The following FGF13 variants were observed in gnomAD, a reference collection of about 807,000 sequenced individuals.
FGF13 encodes fibroblast growth factor 13.
Under a neutral mutation model 19.5 loss-of-function variants are expected in FGF13, and 2 were observed. The observed-to-expected ratio is 0.10, with a 90% confidence interval of 0.04 to 0.32. The LOEUF is 0.32. Ranked by LOEUF, FGF13 falls within the 10% of genes least tolerant of loss-of-function variation. The pLI, the probability that FGF13 is intolerant of heterozygous loss-of-function variation, is 1.00. For missense variants in FGF13, 113 were observed against 192.7 expected (o/e 0.59, Z 2.45); for synonymous variants, 72 against 76.9 (o/e 0.94, Z 0.33).
intron 1 of FGF13, among the ~76,000 whole-genome samples, chrX:138,726,183 G>C (rs910823697): frequency 3.6e-5 from 4 of 110,926 alleles, no homozygotes; most frequent in African/African-American, 1.3e-4. Context: ...ATAGTTTTGA[G>C]GGTTTTCATT....
chrX:139,127,389 A>G (rs1357991371), intron 1 of FGF13, among the ~76,000 whole-genome samples: 1 of 111,891 alleles, frequency 8.9e-6, no homozygotes, highest in Non-Finnish European at 1.9e-5. Context: ...TCACCTCTTG[A>G]GAATGAGAGC....
intron 1 of FGF13, among the ~76,000 whole-genome samples, chrX:138,961,492 T>G (rs1445749818): frequency 9.0e-6 from 1 of 111,440 alleles, no homozygotes; most frequent in African/African-American, 3.3e-5. Context: ...GATCTCAAAC[T>G]CTGTGCTTGG....
chrX:139,043,553 T>C (rs1344290809), intron 1 of FGF13, among the ~76,000 whole-genome samples: 1 of 111,057 alleles, frequency 9.0e-6, no homozygotes, highest in Admixed American at 9.6e-5. Context: ...GAAAACAGTC[T>C]GGTGCTTTCT....
At chrX:138,641,609 G>A (rs894986175) in intron 3 of FGF13, among the ~76,000 whole-genome samples, 1 of 111,951 alleles carries the variant, frequency 8.9e-6, no homozygotes, top group African/African-American at 3.3e-5. Flanking sequence ...GCCCATAGGG[G>A]TGACAATGTA....
At chrX:138,682,627 C>A (rs2089740728) in intron 3 of FGF13, among the ~76,000 whole-genome samples, 1 of 112,069 alleles carries the variant, frequency 8.9e-6, no homozygotes, top group African/African-American at 3.2e-5. Context: ...TAGTTCCATT[C>A]CAAACTCAGT....
intron 1 of FGF13, among the ~76,000 whole-genome samples, chrX:139,041,558 T>C (rs1032081630): frequency 8.9e-6 from 1 of 111,770 alleles, no homozygotes; most frequent in African/African-American, 3.3e-5. Flanking sequence ...TTTTTATTAA[T>C]TACTACAGGT....
At chrX:139,041,660 T>A (rs1473572862) in intron 1 of FGF13, among the ~76,000 whole-genome samples, 1 of 112,197 alleles carries the variant, frequency 8.9e-6, no homozygotes, top group Admixed American at 9.4e-5. Flanking sequence ...GGTACTTTAA[T>A]AGAACTCAGT....
chrX:138,947,655 A>G (rs761283167), intron 1 of FGF13, among the ~76,000 whole-genome samples: 17 of 111,320 alleles, frequency 1.5e-4, no homozygotes, highest in Non-Finnish European at 2.8e-4. Flanking sequence ...CTCAGCTATC[A>G]GAGCCCAAGA....
At chrX:138,978,100 G>A (rs544111596) in intron 1 of FGF13, among the ~76,000 whole-genome samples, 5 of 110,647 alleles carry the variant, frequency 4.5e-5, no homozygotes, top group African/African-American at 1.6e-4. Flanking sequence ...AGCTCCAGTG[G>A]ACAGCATTGT....
intron 1 of FGF13, among the ~76,000 whole-genome samples, chrX:138,899,310 T>C (rs991700210): frequency 5.4e-5 from 6 of 111,159 alleles, no homozygotes; most frequent in Non-Finnish European, 1.1e-4. Context: ...TGTATTTAAA[T>C]ACAAATTTCA....
At chrX:138,952,665 T>C (rs897373120) in intron 1 of FGF13, among the ~76,000 whole-genome samples, 1 of 111,470 alleles carries the variant, frequency 9.0e-6, no homozygotes, top group Non-Finnish European at 1.9e-5. Context: ...AGAAAATTTT[T>C]GCAACCTACT....
chrX:138,701,394 T>A (rs762937275), intron 3 of FGF13, among the ~76,000 whole-genome samples: 1 of 112,595 alleles, frequency 8.9e-6, no homozygotes, highest in Admixed American at 9.4e-5. Flanking sequence ...TATTAAATTA[T>A]CTTACCTTAG....
At chrX:138,815,494 G>GA (rs749734651) in intron 3 of FGF13, among the ~76,000 whole-genome samples, 37 of 109,548 alleles carry the variant, frequency 3.4e-4, no homozygotes, top group South Asian at 3.8e-4. Context: ...GGGAAAAAAT[G>GA]AAAAAAAATG....
At chrX:138,916,103 C>T (rs1444223520) in intron 1 of FGF13, among the ~76,000 whole-genome samples, 1 of 111,874 alleles carries the variant, frequency 8.9e-6, no homozygotes, top group Non-Finnish European at 1.9e-5. Context: ...GCCTCCAGAG[C>T]TTTGGGAGAC....
intron 3 of FGF13, among the ~76,000 whole-genome samples, chrX:138,672,497 A>C (rs2089624231): frequency 8.9e-6 from 1 of 112,015 alleles, no homozygotes; most frequent in Non-Finnish European, 1.9e-5. Context: ...ATGTTGACCT[A>C]AGCAAATGGA....
intron 1 of FGF13, among the ~76,000 whole-genome samples, chrX:139,017,339 G>GTATATATA (rs34651307): frequency 2.6e-4 from 26 of 100,219 alleles, no homozygotes; most frequent in East Asian, 3.2e-4. Flanking sequence ...ATACATGTAT[G>GTATATATA]TATATATATA....
intron 1 of FGF13, among the ~76,000 whole-genome samples, chrX:139,087,511 C>G (rs1267231250): frequency 9.0e-6 from 1 of 111,613 alleles, no homozygotes; most frequent in East Asian, 2.8e-4. Context: ...TGCCTTCATG[C>G]CATTTTCCAG....
intron 1 of FGF13, among the ~76,000 whole-genome samples, chrX:138,957,515 G>A (rs1213677496): frequency 9.0e-6 from 1 of 111,329 alleles, no homozygotes; most frequent in African/African-American, 3.3e-5. Context: ...GCTCTTTTTT[G>A]GTTCCATACG....
chrX:138,886,367 C>T (rs778472509), intron 1 of FGF13, among the ~76,000 whole-genome samples: 97 of 112,265 alleles, frequency 8.6e-4, no homozygotes, highest in African/African-American at 3.0e-3. Context: ...ATTTATAATA[C>T]AGTGTTTTAT....
Sources: allele counts gnomAD v4.1 joint callset (sites outside exome capture counted in the v4.1 genomes callset), GRCh38; gene constraint gnomAD v4.1.1; transcripts MANE v1.5; gene names NCBI Gene and HGNC (gene_info 2026-07-23, HGNC 2026-07-21).